Variants in MED8 observed in about 807,000 individuals in gnomAD.
MED8 encodes the protein mediator of RNA polymerase II transcription subunit 8.
Under a neutral mutation model 34.8 loss-of-function variants are expected in MED8, and 22 were observed. The ratio of observed to expected loss-of-function variants is 0.63; its 90% CI spans 0.45 to 0.90. MED8 has a LOEUF of 0.90. Ranked by LOEUF, MED8 falls within the 40% of genes least tolerant of loss-of-function variation. The pLI is 0.00. For synonymous variants in MED8, 105 were observed against 120.2 expected (o/e 0.87, Z 0.83); for missense variants, 260 against 326.3 (o/e 0.80, Z 1.57).
At chr1:43,387,703 G>A in intron 2 of MED8, 56 bp from the exon 3 acceptor site, 1 of 1,597,462 alleles carries the variant, frequency 6.3e-7, no homozygotes, top group South Asian at 1.1e-5. Flanking sequence ...GTGGTTCTTA[G>A]TAAAATAGTC....
Position 43,384,447 on chromosome 1 carries a change from G to A in MED8, c.*595C>T. ...AGGATGGAAAGGAGAGCAGGCCCAAGCTTCACCAGAGCTGCAGGTGGGCAT... is the reference window on the plus strand; with the variant it reads ...AGGATGGAAAGGAGAGCAGGCCCAAACTTCACCAGAGCTGCAGGTGGGCAT... On this transcript the variant is annotated 3_prime_UTR_variant, in exon 7 of 7. Coordinates refer to ENST00000372457, the MANE Select transcript of MED8 (RefSeq NM_201542.5). 1 of 1,595,198 alleles carries A rather than the reference G, an allele frequency of 6.3e-7. No individual in the cohort carries two copies. The highest frequency in any genetic ancestry group is 8.5e-7 in the Non-Finnish European group (1 of 1,170,806).
In MED8 at chr1:43,386,428, G is replaced by A; in HGVS notation, c.493+161C>T. 1.9e-6 allele frequency: 2 copies of A among 1,030,488 alleles called. No homozygotes were observed. Among genetic ancestry groups the A allele is most frequent in the Middle Eastern group, 4.2e-4 (2 of 4,764 alleles). 63.8% of individuals were successfully genotyped at this position (1,030,488 alleles called of 1,614,324 possible). On this transcript the variant is annotated intron_variant, in intron 5 of 6. Coordinates refer to ENST00000372457, the MANE Select transcript of MED8 (RefSeq NM_201542.5). The surrounding 1 kb of genome is among the most constrained non-coding windows in gnomAD (Gnocchi z 4.9). ...TCTTACTTTGCCCATTTCCTCCACT[G>A]CTTCAGTGCTGGCCTTAAATACAAA...
chr1:43,388,427 C>T lies in MED8; in HGVS notation c.8G>A (p.Arg3Lys). Reference protein sequence around the residue: MQREEKQLEASLD... With the variant: MQKEEKQLEASLD... Reference sequence around the variant, plus strand: ...TGATGCCTCAAGCTGCTTCTCCTCTCTCTGCACCAATAGGAACAGGTTGGT... The same window carrying T: ...TGATGCCTCAAGCTGCTTCTCCTCTTTCTGCACCAATAGGAACAGGTTGGT... Residue 3 changes from arginine to lysine, a missense_variant and splice_region_variant, in exon 2 of 7, where the codon AGA becomes AAA. Physicochemically the swap from Arg to Lys is conservative, Grantham distance 26. Transcript: ENST00000372457. 6.2e-7 allele frequency: 1 copy of T among 1,613,392 alleles called. No homozygotes were observed. Among genetic ancestry groups the T allele is most frequent in the Non-Finnish European group, 8.5e-7 (1 of 1,179,874 alleles).
chr1:43,388,032 G>A (rs542083198), intron 2 of MED8, among the ~76,000 whole-genome samples: 1 of 152,324 alleles, frequency 6.6e-6, no homozygotes, highest in South Asian at 2.1e-4. Flanking sequence ...TGTGGCAAGA[G>A]ATCCAGCACG....
At position 43,386,817 on chromosome 1, in the gene MED8, TGG is replaced by T. The variant is rs1647750958; in HGVS notation, c.411+39_411+40del. 1 of 1,612,310 alleles carries T rather than the reference TGG, an allele frequency of 6.2e-7. No homozygotes were observed. The highest frequency in any genetic ancestry group is 1.7e-5 in the Admixed American group (1 of 59,922). Reference sequence around the variant, plus strand: ...AATGGTAATGCCTAGCTTCTCATGATGGGATGGGGATGGGGCAGCAAGGCAGT... The same window carrying T: ...AATGGTAATGCCTAGCTTCTCATGATGATGGGGATGGGGCAGCAAGGCAGT... On this transcript the variant is annotated intron_variant, in intron 4 of 6. Transcript: ENST00000372457. This position sits in a 1 kb window ranked among gnomAD's most constrained non-coding sequence, Gnocchi z 4.9.
chr1:43,388,088 G>GT (rs1647805857), intron 2 of MED8, among the ~76,000 whole-genome samples: 1 of 152,218 alleles, frequency 6.6e-6, no homozygotes, highest in Admixed American at 6.5e-5. Context: ...AAGTCAAAGG[G>GT]TAAGAATTGA....
In MED8 at chr1:43,387,523, C is replaced by G; in HGVS notation, c.250G>C (p.Asp84His). The G allele has an allele frequency of 6.2e-7, 1 of 1,614,022 alleles. No homozygotes were observed. Among genetic ancestry groups the G allele is most frequent in the Non-Finnish European group, 8.5e-7 (1 of 1,179,876 alleles). ...CTTACCATGAGATCTTCATCTCGGT[C>G]TGGAGACAACACCAGAGGAATGATG... ...QVIIPLVLSP[D>H]RDEDLMRQTE... Residue 84 changes from aspartate (D) to histidine (H), a missense_variant, in exon 3 of 7, where the codon GAC (aspartate) becomes CAC (histidine). Asp to His is a moderately conservative substitution (Grantham distance 81). Transcript: ENST00000372457.
At chr1:43,385,233 T>C in intron 6 of MED8, 127 bp from the exon 7 acceptor site, 2 of 1,241,894 alleles carry the variant, frequency 1.6e-6, no homozygotes, top group African/African-American at 1.5e-5. Flanking sequence ...CATCTGACCC[T>C]GTTTGACAGA....
intron 2 of MED8, among the ~76,000 whole-genome samples, 156 bp downstream of exon 2, chr1:43,388,154 G>A (rs1452831990): frequency 6.6e-6 from 1 of 152,216 alleles, no homozygotes; most frequent in Non-Finnish European, 1.5e-5. Flanking sequence ...CCTTGCCATG[G>A]AATCCACTTG....
At chr1:43,385,237 T>A (rs1410941204) in intron 6 of MED8, 131 bp from the exon 7 acceptor site, 1 of 1,197,822 alleles carries the variant, frequency 8.3e-7, no homozygotes, top group East Asian at 2.6e-5. Context: ...TGACCCTGTT[T>A]GACAGAGGTC....
intron 6 of MED8, 157 bp from the exon 7 acceptor site, chr1:43,385,263 C>T (rs1557485363): frequency 2.1e-6 from 2 of 942,412 alleles, no homozygotes; most frequent in East Asian, 5.4e-5. Context: ...TATGATTCTT[C>T]ACCCAGCTGT....
chr1:43,386,404 C>A lies in MED8; in HGVS notation c.494-178G>T. The A allele has an allele frequency of 9.5e-7, 1 of 1,055,694 alleles. No homozygotes were observed. 65.4% of individuals were successfully genotyped at this position (1,055,694 alleles called of 1,614,324 possible). On this transcript the variant is annotated intron_variant, in intron 5 of 6. Coordinates refer to ENST00000372457, the MANE Select transcript of MED8 (RefSeq NM_201542.5). This position sits in a 1 kb window ranked among gnomAD's most constrained non-coding sequence, Gnocchi z 4.9. The stretch of plus-strand genomic sequence containing the variant: ...CAAGCCTATCTCAGAATTCTCTCTT[C>A]TTACTTTGCCCATTTCCTCCACTGC...
In MED8 at chr1:43,388,437, A is replaced by G. The variant is rs1647850238; in HGVS notation, c.7-9T>C. Reference sequence around the variant, plus strand: ...AGCTGCTTCTCCTCTCTCTGCACCAATAGGAACAGGTTGGTCACCCAGATA... The same window carrying G: ...AGCTGCTTCTCCTCTCTCTGCACCAGTAGGAACAGGTTGGTCACCCAGATA... On this transcript the variant is annotated splice_polypyrimidine_tract_variant and intron_variant, in intron 1 of 6. Transcript: ENST00000372457. The G allele has an allele frequency of 1.2e-6, 2 of 1,613,100 alleles. No individual in the cohort carries two copies. Among genetic ancestry groups the G allele is most frequent in the South Asian group, 1.1e-5 (1 of 91,072 alleles).
intron 2 of MED8, among the ~76,000 whole-genome samples, 157 bp downstream of exon 2, chr1:43,388,153 G>A (rs1194590072): frequency 6.6e-6 from 1 of 152,206 alleles, no homozygotes; most frequent in Non-Finnish European, 1.5e-5. Flanking sequence ...TCCTTGCCAT[G>A]GAATCCACTT....
chr1:43,388,560 G>A (rs1242557074), intron 1 of MED8, 132 bp from the exon 2 acceptor site: 12 of 1,416,172 alleles, frequency 8.5e-6, no homozygotes, highest in Admixed American at 2.5e-5. Flanking sequence ...AGGATAGCCA[G>A]GTTGTTTTCT....
At chr1:43,389,338 T>C (rs1647957254) in intron 1 of MED8, among the ~76,000 whole-genome samples, 1 of 152,122 alleles carries the variant, frequency 6.6e-6, no homozygotes, top group African/African-American at 2.4e-5. Flanking sequence ...CGGCCCACAA[T>C]TCCCTCACTG....
At chr1:43,387,367 C>T in intron 3 of MED8, 136 bp downstream of exon 3, 2 of 1,195,104 alleles carry the variant, frequency 1.7e-6, no homozygotes, top group Non-Finnish European at 2.3e-6. Context: ...AGTGGCTCTC[C>T]CGCCTTCAGA....
At chr1:43,387,336 G>A (rs575945930) in intron 3 of MED8, among the ~76,000 whole-genome samples, 167 bp downstream of exon 3, 8 of 152,156 alleles carry the variant, frequency 5.3e-5, no homozygotes, top group Non-Finnish European at 1.0e-4. Context: ...TACCCCTCAG[G>A]TTATTACAGC....
At position 43,386,290 on chromosome 1, in the gene MED8, G is replaced by A. The variant is rs547448132; in HGVS notation, c.494-64C>T. 1.0e-4 allele frequency: 157 copies of A among 1,563,274 alleles called. No homozygotes were observed. Among genetic ancestry groups the A allele is most frequent in the Non-Finnish European group, 1.3e-4 (146 of 1,158,452 alleles). On this transcript the variant is annotated intron_variant, in intron 5 of 6. Coordinates refer to ENST00000372457, the MANE Select transcript of MED8 (RefSeq NM_201542.5). The surrounding 1 kb of genome is among the most constrained non-coding windows in gnomAD (Gnocchi z 4.9). ...GATGCAGGACTGAACGTGGCAGCTG[G>A]AAGACCAGTATGAGTGCCAGGGTTT...
Sources: gnomAD v4.1 joint callset for allele counts (sites outside exome capture counted in the v4.1 genomes callset) on GRCh38, gnomAD v4.1.1 for gene constraint, Gnocchi (gnomAD v3.1) non-coding constraint, MANE v1.5 for transcripts, NCBI Gene and HGNC (gene_info 2026-07-23, HGNC 2026-07-21) for gene names.